Variants in MLLT3 observed in about 807,000 individuals in gnomAD.
MLLT3 encodes the protein MLLT3 super elongation complex subunit.
Under a neutral mutation model 53.2 loss-of-function variants are expected in MLLT3, and 4 were observed. The ratio of observed to expected loss-of-function variants is 0.08; its 90% CI spans 0.04 to 0.17. MLLT3 has a LOEUF of 0.17. MLLT3 is among the 10% of genes least tolerant of loss of function. MLLT3 has a pLI of 1.00. For synonymous variants in MLLT3, 283 were observed against 230.6 expected (o/e 1.23, Z -2.06); for missense variants, 569 against 684.0 (o/e 0.83, Z 1.87).
intron 4 of MLLT3, among the ~76,000 whole-genome samples, chr9:20,434,809 ATCTCC>A (rs1286777721): frequency 6.6e-6 from 1 of 152,178 alleles, no homozygotes; most frequent in Non-Finnish European, 1.5e-5. Context: ...CCTTCAGTTC[ATCTCC>A]TCTCAACTAA....
chr9:20,609,441 G>A (rs1045683107), intron 2 of MLLT3, among the ~76,000 whole-genome samples: 2 of 151,962 alleles, frequency 1.3e-5, no homozygotes, highest in Non-Finnish European at 2.9e-5. Flanking sequence ...GCTTACATGG[G>A]CAGTCCTCAA....
intron 2 of MLLT3, among the ~76,000 whole-genome samples, chr9:20,607,451 TAGTTA>T (rs947945885): frequency 6.6e-6 from 1 of 152,020 alleles, no homozygotes; most frequent in Admixed American, 6.6e-5. Flanking sequence ...GGAATAGACA[TAGTTA>T]AGCAGAAATT....
chr9:20,519,943 A>G (rs1306136722), intron 2 of MLLT3, among the ~76,000 whole-genome samples: 2 of 152,242 alleles, frequency 1.3e-5, no homozygotes, highest in Non-Finnish European at 2.9e-5. Context: ...ACATGGAATC[A>G]ACCTAAATGC....
intron 5 of MLLT3, among the ~76,000 whole-genome samples, chr9:20,381,970 C>T (rs1380555270): frequency 6.6e-6 from 1 of 151,786 alleles, no homozygotes; most frequent in East Asian, 1.9e-4. Context: ...TTAAAAAATG[C>T]TTCTATTTCT....
At chr9:20,522,643 G>T (rs1306239290) in intron 2 of MLLT3, among the ~76,000 whole-genome samples, 1 of 151,214 alleles carries the variant, frequency 6.6e-6, no homozygotes, top group Admixed American at 6.6e-5. Context: ...TAAGAAGAAA[G>T]AGTAGAGAAG....
chr9:20,604,065 CT>C (rs1337750863), intron 2 of MLLT3, among the ~76,000 whole-genome samples: 1 of 152,110 alleles, frequency 6.6e-6, no homozygotes, highest in East Asian at 1.9e-4. Context: ...GGCAAACACA[CT>C]GATTTAATCA....
At chr9:20,587,354 TCTC>T (rs1039660654) in intron 2 of MLLT3, among the ~76,000 whole-genome samples, 4 of 152,114 alleles carry the variant, frequency 2.6e-5, no homozygotes, top group African/African-American at 9.7e-5. Flanking sequence ...CCCATCTGTC[TCTC>T]CTCATTTTAC....
chr9:20,384,604 A>G (rs573612478), intron 5 of MLLT3, among the ~76,000 whole-genome samples: 66 of 152,202 alleles, frequency 4.3e-4, no homozygotes, highest in Admixed American at 2.9e-3. Context: ...ATTATCATCA[A>G]TGGGATGCAG....
chr9:20,587,825 T>C (rs1203041214), intron 2 of MLLT3, among the ~76,000 whole-genome samples: 1 of 152,186 alleles, frequency 6.6e-6, no homozygotes, highest in African/African-American at 2.4e-5. Flanking sequence ...TCTTTTGCTG[T>C]GCAGAAGCTC....
rs200012951 is a variant in MLLT3, at chr9:20,388,677, G to GA, written c.1126-22934dup. On this transcript the variant is annotated intron_variant, in intron 5 of 10. Coordinates refer to ENST00000380338, the MANE Select transcript of MLLT3 (RefSeq NM_004529.4). Reference sequence around the variant, plus strand: ...AAACAAAGAATAAACAGGAAGAAAGGAAAAAAAAACCACCATGATTCCAAA... The same window carrying GA: ...AAACAAAGAATAAACAGGAAGAAAGGAAAAAAAAAACCACCATGATTCCAAA... Among the ~76,000 whole-genome samples the GA allele has an allele frequency of 2.4e-3, 361 of 149,520 alleles. 2 individuals carry two copies. The highest frequency in any genetic ancestry group is 0.014 in the Middle Eastern group (4 of 290).
chr9:20,560,046 C>T (rs1471176805), intron 2 of MLLT3, among the ~76,000 whole-genome samples: 1 of 152,114 alleles, frequency 6.6e-6, no homozygotes, highest in Non-Finnish European at 1.5e-5. Context: ...CACTATAAAC[C>T]TGTACTTTTC....
intron 2 of MLLT3, among the ~76,000 whole-genome samples, chr9:20,591,279 A>C (rs924609806): frequency 6.6e-6 from 1 of 152,178 alleles, no homozygotes; most frequent in African/African-American, 2.4e-5. Flanking sequence ...GAGGTGCTGC[A>C]ATTTGGGCAC....
At chr9:20,360,460 A>G (rs948679786) in intron 8 of MLLT3, among the ~76,000 whole-genome samples, 8 of 152,224 alleles carry the variant, frequency 5.3e-5, no homozygotes, top group Non-Finnish European at 1.2e-4. Flanking sequence ...TAAAGTATAT[A>G]GAAATCAGGA....
intron 2 of MLLT3, among the ~76,000 whole-genome samples, chr9:20,566,108 C>T (rs1819372103): frequency 7.1e-6 from 1 of 140,122 alleles, no homozygotes; most frequent in African/African-American, 2.7e-5. Context: ...AGTGTACTTT[C>T]ATCACATGGA....
intron 2 of MLLT3, among the ~76,000 whole-genome samples, chr9:20,472,097 C>A (rs1824408357): frequency 6.6e-6 from 1 of 151,914 alleles, no homozygotes; most frequent in Non-Finnish European, 1.5e-5. Context: ...GGCTTTAATT[C>A]TAGCTTCATT....
intron 2 of MLLT3, among the ~76,000 whole-genome samples, chr9:20,522,038 T>C (rs1405491499): frequency 1.3e-5 from 2 of 150,624 alleles, no homozygotes; most frequent in Non-Finnish European, 3.0e-5. Context: ...CTGAAATATG[T>C]GGTGGAAACT....
chr9:20,468,278 A>G (rs1281436118), intron 2 of MLLT3, among the ~76,000 whole-genome samples: 5 of 152,182 alleles, frequency 3.3e-5, no homozygotes, highest in African/African-American at 1.2e-4. Flanking sequence ...AAATACATAT[A>G]TTTGCCATCA....
intron 4 of MLLT3, among the ~76,000 whole-genome samples, chr9:20,431,298 A>G (rs1823262604): frequency 6.6e-6 from 1 of 152,090 alleles, no homozygotes; most frequent in South Asian, 2.1e-4. Context: ...CCCACCCTAG[A>G]CCTACTAAAT....
chr9:20,521,076 T>C (rs1333399216), intron 2 of MLLT3, among the ~76,000 whole-genome samples: 1 of 120,914 alleles, frequency 8.3e-6, no homozygotes, highest in Non-Finnish European at 1.8e-5. Flanking sequence ...TTTTGTTCTT[T>C]CTTTTTTTTT....
Sources: gnomAD v4.1 joint callset for allele counts (sites outside exome capture counted in the v4.1 genomes callset) on GRCh38, gnomAD v4.1.1 for gene constraint, MANE v1.5 for transcripts, NCBI Gene and HGNC (gene_info 2026-07-23, HGNC 2026-07-21) for gene names.